TPRG1: variants seen among roughly 807,000 people sequenced by gnomAD.
TPRG1 encodes the protein tumor protein p63-regulated gene 1 protein.
In TPRG1, 29 loss-of-function variants were observed where a neutral mutation model predicts 29.3. That is an observed-to-expected ratio of 0.99 (90% CI 0.74 to 1.35). The LOEUF (loss-of-function observed/expected upper bound fraction) is 1.35, where lower values mean the gene tolerates loss of function less well. Ranked by LOEUF, TPRG1 falls within the 40% of genes most tolerant of loss-of-function variation. The pLI is 0.00. For synonymous variants in TPRG1, 130 were observed against 116.8 expected (o/e 1.11, Z -0.73); for missense variants, 327 against 335.0 (o/e 0.98, Z 0.19).
intron 3 of TPRG1, among the ~76,000 whole-genome samples, chr3:189,231,221 C>A (rs1383896117): frequency 6.7e-6 from 1 of 149,910 alleles, no homozygotes; most frequent in Admixed American, 6.7e-5. Context: ...CTGACAGAAA[C>A]CTTTTTCTCT....
At chr3:189,146,180 T>C (rs1027041881) in intron 3 of TPRG1, among the ~76,000 whole-genome samples, 1 of 152,118 alleles carries the variant, frequency 6.6e-6, no homozygotes, top group African/African-American at 2.4e-5. Flanking sequence ...CCAGGCAGTG[T>C]TGGTTGCATG....
At chr3:189,020,172 C>CA (rs1713216897) in intron 3 of TPRG1, among the ~76,000 whole-genome samples, 2 of 150,972 alleles carry the variant, frequency 1.3e-5, no homozygotes, top group African/African-American at 4.9e-5. Context: ...TTGATCCTTT[C>CA]AAAAAACCAG....
chr3:189,269,893 C>T (rs1158564497), intron 4 of TPRG1, among the ~76,000 whole-genome samples: 1 of 152,008 alleles, frequency 6.6e-6, no homozygotes, highest in Admixed American at 6.6e-5. Context: ...CTTTTTATGT[C>T]ACCAGGAAAA....
intron 3 of TPRG1, among the ~76,000 whole-genome samples, chr3:189,221,834 C>T (rs1023258133): frequency 4.6e-5 from 7 of 152,186 alleles, no homozygotes; most frequent in Admixed American, 6.5e-5. Context: ...CTTTATTTTA[C>T]GGATGAAGAA....
chr3:189,214,732 T>C (rs1178487928), intron 2 of TPRG1, among the ~76,000 whole-genome samples: 1 of 152,144 alleles, frequency 6.6e-6, no homozygotes, highest in Non-Finnish European at 1.5e-5. Context: ...TTGAGAGTCA[T>C]TGAGCTAAAG....
At chr3:189,032,412 T>C (rs1259969361) in intron 4 of TPRG1, among the ~76,000 whole-genome samples, 2 of 152,164 alleles carry the variant, frequency 1.3e-5, no homozygotes, top group Non-Finnish European at 2.9e-5. Context: ...TTCAAGTTGT[T>C]TTAAGCTACT....
At chr3:189,094,633 G>C (rs771583625) in intron 4 of TPRG1, among the ~76,000 whole-genome samples, 1 of 152,154 alleles carries the variant, frequency 6.6e-6, no homozygotes, top group Non-Finnish European at 1.5e-5. Context: ...TCACGCAGCT[G>C]TTTGAATTAT....
intron 1 of TPRG1, among the ~76,000 whole-genome samples, chr3:188,999,797 C>A (rs1172474290): frequency 6.6e-6 from 1 of 151,804 alleles, no homozygotes; most frequent in Non-Finnish European, 1.5e-5. Flanking sequence ...TTCTAATGGG[C>A]TTTATTAGCT....
intron 3 of TPRG1, among the ~76,000 whole-genome samples, chr3:189,133,737 C>T (rs1425224438): frequency 3.9e-5 from 6 of 152,290 alleles, no homozygotes; most frequent in Admixed American, 2.6e-4. Flanking sequence ...ACACATGGCT[C>T]CTCACTTACA....
At chr3:189,293,695 G>T (rs1357664342) in intron 4 of TPRG1, among the ~76,000 whole-genome samples, 1 of 152,166 alleles carries the variant, frequency 6.6e-6, no homozygotes, top group Non-Finnish European at 1.5e-5. Context: ...TAAAGATTAA[G>T]ATTCTATTAT....
intron 4 of TPRG1, among the ~76,000 whole-genome samples, chr3:189,267,417 T>C (rs73061048): frequency 0.013 from 1,945 of 152,266 alleles, 44 homozygotes; most frequent in African/African-American, 0.045. Flanking sequence ...GGTAAATATA[T>C]AGAAAACTAA....
chr3:189,043,814 G>A (rs534243961), intron 4 of TPRG1, among the ~76,000 whole-genome samples: 2 of 152,194 alleles, frequency 1.3e-5, no homozygotes, highest in African/African-American at 4.8e-5. Context: ...GCTTATTGGA[G>A]CCAAAAGTTT....
At chr3:189,007,902 TG>T (rs1331381529) in intron 3 of TPRG1, among the ~76,000 whole-genome samples, 84 of 69,546 alleles carry the variant, frequency 1.2e-3, no homozygotes, top group Admixed American at 8.1e-3. Flanking sequence ...TGTGGTGGGG[TG>T]GGGGGAGGGG....
chr3:189,318,640 G>A (rs1351184300), intron 5 of TPRG1, among the ~76,000 whole-genome samples: 1 of 152,132 alleles, frequency 6.6e-6, no homozygotes, highest in South Asian at 2.1e-4. Context: ...TTACCTGCTT[G>A]GCTTTTGGCT....
chr3:189,119,456 T>C (rs939521285), intron 1 of TPRG1, among the ~76,000 whole-genome samples: 4 of 152,140 alleles, frequency 2.6e-5, no homozygotes, highest in African/African-American at 9.7e-5. Flanking sequence ...ACGATTGCGT[T>C]TTGAAATGTG....
intron 4 of TPRG1, among the ~76,000 whole-genome samples, chr3:189,283,511 A>G (rs1279495437): frequency 6.6e-6 from 1 of 152,244 alleles, no homozygotes; most frequent in Non-Finnish European, 1.5e-5. Context: ...TAATTTTAAT[A>G]AATGTGTTTT....
At chr3:189,171,797 G>A (rs1321596220), upstream of TPRG1, among the ~76,000 whole-genome samples, 1 of 152,184 alleles carries the variant, frequency 6.6e-6, no homozygotes, top group Non-Finnish European at 1.5e-5. Context: ...GGAGTTGGCA[G>A]AAAAATGCAG....
At chr3:189,022,470 G>T (rs1713379366) in intron 3 of TPRG1, among the ~76,000 whole-genome samples, 1 of 151,406 alleles carries the variant, frequency 6.6e-6, no homozygotes, top group Non-Finnish European at 1.5e-5. Context: ...CTCAGCTGCA[G>T]GTCTGTTGGA....
intron 4 of TPRG1, among the ~76,000 whole-genome samples, chr3:189,242,332 G>T (rs977272591): frequency 1.2e-4 from 18 of 151,682 alleles, no homozygotes; most frequent in Admixed American, 2.6e-4. Context: ...TCAATATCTG[G>T]TTGAGTTATT....
Sources: allele counts gnomAD v4.1 joint callset (sites outside exome capture counted in the v4.1 genomes callset), GRCh38; gene constraint gnomAD v4.1.1; transcripts MANE v1.5; gene names NCBI Gene and HGNC (gene_info 2026-07-23, HGNC 2026-07-21).